PAPPA2: variants seen among roughly 807,000 people sequenced by gnomAD.
The protein encoded by PAPPA2 is pappalysin 2, also known as pappalysin-2.
A neutral mutation model predicts 176.4 loss-of-function variants in PAPPA2; 86 were observed. The observed-to-expected ratio is 0.49, with a 90% CI of 0.41 to 0.58. The LOEUF (loss-of-function observed/expected upper bound fraction) is 0.58. PAPPA2 is among the 20% of genes least tolerant of loss of function. PAPPA2 has a pLI of 0.00. For synonymous variants in PAPPA2, 809 were observed against 852.2 expected, an observed-to-expected ratio of 0.95 and a Z score of 0.88; for missense variants, 2,073 against 2,256.9, an observed-to-expected ratio of 0.92 and a Z score of 1.65.
rs975082037 is a variant in PAPPA2 at position 176,769,657 on chromosome 1, C to G, written c.4374C>G (p.Ser1458Arg). ...CTGGGCACTGGGACCAGAATGTGAGCTGCCTTCCCGTGGACTGCGGTGTTC... is the reference window on the plus strand; with the variant it reads ...CTGGGCACTGGGACCAGAATGTGAGGTGCCTTCCCGTGGACTGCGGTGTTC... ...CSSGHWDQNV[S>R]CLPVDCGVPD... Residue 1458 changes from serine (S) to arginine (R), a missense_variant, in exon 16 of 23, where the codon AGC becomes AGG. This residue lies in a region of PAPPA2 where 846 missense variants were observed against 857.9 expected (regional missense o/e 0.99). Transcript: ENST00000367662. The G allele has an allele frequency of 6.2e-7, 1 of 1,613,930 alleles. No homozygotes were observed.
chr1:176,836,307 G>C lies in PAPPA2; in HGVS notation c.5203-3866G>C, dbSNP rs151029976. On this transcript the variant is annotated intron_variant, in intron 21 of 22. Coordinates refer to ENST00000367662, the MANE Select transcript of PAPPA2 (RefSeq NM_020318.3). ...TTGGCCTCAAGCAAAAATTTGATTA[G>C]CATCTTCTCTTGGTCTGAAACACTC... 6.2e-3 allele frequency among the ~76,000 whole-genome samples: 949 copies of C among 152,240 alleles called. 13 individuals are homozygous for C. The highest frequency in any genetic ancestry group is 0.021 in the African/African-American group (885 of 41,558).
intron 4 of PAPPA2, among the ~76,000 whole-genome samples, chr1:176,680,780 GCTCCCC>G (rs1659548973): frequency 6.6e-6 from 1 of 152,160 alleles, no homozygotes; most frequent in Admixed American, 6.5e-5. Flanking sequence ...GATAAATGTG[GCTCCCC>G]CAACCCCAAA....
intron 3 of PAPPA2, among the ~76,000 whole-genome samples, chr1:176,601,867 CAG>C (rs1654342771): frequency 6.6e-6 from 1 of 152,168 alleles, no homozygotes; most frequent in Non-Finnish European, 1.5e-5. Flanking sequence ...AATTATGTCT[CAG>C]AGTTACAGTT....
chr1:176,537,806 C>T (rs1650150110), intron 1 of PAPPA2, among the ~76,000 whole-genome samples: 1 of 151,764 alleles, frequency 6.6e-6, no homozygotes, highest in East Asian at 1.9e-4. Context: ...GGCCCTGATA[C>T]TCAGACCCAT....
chr1:176,803,143 G>T (rs961762536), intron 21 of PAPPA2, among the ~76,000 whole-genome samples: 1 of 152,148 alleles, frequency 6.6e-6, no homozygotes, highest in Admixed American at 6.5e-5. Context: ...CTTAGTTAAT[G>T]GAAAACTTTT....
chr1:176,594,825 C>A lies in PAPPA2; in HGVS notation c.1221C>A (p.Leu407=). 1 of 1,614,210 alleles carries A rather than the reference C, an allele frequency of 6.2e-7. No individual in the cohort carries two copies. Among genetic ancestry groups the A allele is most frequent in the Non-Finnish European group, 8.5e-7 (1 of 1,180,036 alleles). ...TCATGGCATCTTGCCGCTCTTTGCT[C>A]CTGGGGGGAGACAGCTCTGAGGATG... ...SPFMASCRSL[L]LGGDSSEDGH... Residue 407 remains leucine, a synonymous_variant, in exon 3 of 23, where the codon CTC becomes CTA. Transcript: ENST00000367662.
At chr1:176,479,940 A>G (rs1243583029) in intron 1 of PAPPA2, among the ~76,000 whole-genome samples, 2 of 152,216 alleles carry the variant, frequency 1.3e-5, no homozygotes, top group African/African-American at 4.8e-5. Flanking sequence ...ACAAGCTTGG[A>G]TTTGAAGTTT....
intron 3 of PAPPA2, among the ~76,000 whole-genome samples, chr1:176,606,469 T>A (rs1344169199): frequency 6.6e-6 from 1 of 152,002 alleles, no homozygotes; most frequent in East Asian, 1.9e-4. Flanking sequence ...ATAGAAGAGA[T>A]GAGTTTCTTT....
chr1:176,755,991 C>T (rs1032449231), intron 14 of PAPPA2, among the ~76,000 whole-genome samples: 2 of 152,104 alleles, frequency 1.3e-5, no homozygotes, highest in African/African-American at 4.8e-5. Context: ...GACAGAGTTT[C>T]GCTCTTGTTG....
intron 1 of PAPPA2, among the ~76,000 whole-genome samples, chr1:176,537,792 C>T (rs1269986767): frequency 1.3e-5 from 2 of 151,018 alleles, no homozygotes; most frequent in Non-Finnish European, 3.0e-5. Context: ...ACCTCTGGGA[C>T]CCTGGCCCTG....
At chr1:176,625,372 C>A (rs1655948367) in intron 3 of PAPPA2, among the ~76,000 whole-genome samples, 1 of 152,138 alleles carries the variant, frequency 6.6e-6, no homozygotes, top group African/African-American at 2.4e-5. Flanking sequence ...GAACACACAC[C>A]CTGCCAGATT....
intron 1 of PAPPA2, among the ~76,000 whole-genome samples, chr1:176,550,263 GTT>G (rs1650869277): frequency 6.6e-6 from 1 of 152,204 alleles, no homozygotes; most frequent in African/African-American, 2.4e-5. Context: ...TTGCATTCAC[GTT>G]GTTGTGGTTA....
intron 17 of PAPPA2, among the ~76,000 whole-genome samples, chr1:176,773,188 A>C (rs1055862943): frequency 1.3e-5 from 2 of 152,194 alleles, no homozygotes; most frequent in East Asian, 1.9e-4. Flanking sequence ...CATTCTGAGG[A>C]AAGATTAAAT....
At chr1:176,774,325 C>A (rs1023192614) in intron 17 of PAPPA2, among the ~76,000 whole-genome samples, 2 of 152,120 alleles carry the variant, frequency 1.3e-5, no homozygotes, top group Admixed American at 1.3e-4. Flanking sequence ...GGCCATAAGG[C>A]CCATAAGACC....
chr1:176,757,612 C>G (rs1663490510), intron 14 of PAPPA2, among the ~76,000 whole-genome samples: 1 of 152,098 alleles, frequency 6.6e-6, no homozygotes, highest in Non-Finnish European at 1.5e-5. Context: ...AGACCTTTGT[C>G]AGATGGGTAG....
chr1:176,718,671 T>A (rs1412330148), intron 12 of PAPPA2, among the ~76,000 whole-genome samples: 2 of 151,754 alleles, frequency 1.3e-5, no homozygotes, highest in Admixed American at 6.6e-5. Flanking sequence ...GCTGTTTAAC[T>A]TGAAAACATA....
intron 3 of PAPPA2, among the ~76,000 whole-genome samples, chr1:176,620,365 A>G (rs751999529): frequency 2.6e-5 from 4 of 152,120 alleles, no homozygotes; most frequent in Non-Finnish European, 5.9e-5. Flanking sequence ...AGTTATATTG[A>G]TGCTATTTAG....
intron 3 of PAPPA2, among the ~76,000 whole-genome samples, chr1:176,621,285 G>A (rs1007797022): frequency 6.6e-6 from 1 of 152,124 alleles, no homozygotes; most frequent in African/African-American, 2.4e-5. Context: ...AATCCAACAA[G>A]CATTTGTTGT....
intron 2 of PAPPA2, among the ~76,000 whole-genome samples, chr1:176,565,028 G>T (rs1321762256): frequency 6.6e-6 from 1 of 152,100 alleles, no homozygotes; most frequent in Non-Finnish European, 1.5e-5. Context: ...TCATAAAAAT[G>T]GAATGTATCA....
Sources: allele counts gnomAD v4.1 joint callset (sites outside exome capture counted in the v4.1 genomes callset), GRCh38; gene constraint gnomAD v4.1.1; regional missense constraint gnomAD v4.1.1; transcripts MANE v1.5; gene names NCBI Gene and HGNC (gene_info 2026-07-23, HGNC 2026-07-21).